ATP8A1: variants seen among roughly 807,000 people sequenced by gnomAD.
ATP8A1 encodes the protein phospholipid-transporting ATPase IA.
Under a neutral mutation model 177.7 loss-of-function variants are expected in ATP8A1, and 90 were observed. The observed-to-expected ratio is 0.51, with a 90% confidence interval of 0.43 to 0.60. ATP8A1 has a LOEUF of 0.60. Among genes scored for constraint, ATP8A1 ranks in the 20% least tolerant of loss-of-function variants. ATP8A1 has a pLI of 0.00. For synonymous variants in ATP8A1, 493 were observed against 485.9 expected (o/e 1.01, Z -0.19); for missense variants, 1,072 against 1,392.8 (o/e 0.77, Z 3.67).
chr4:42,444,554 G>A (rs1462070118), intron 32 of ATP8A1, 24 bp downstream of exon 32: 1 of 1,603,104 alleles, frequency 6.2e-7, no homozygotes, highest in South Asian at 1.1e-5. Context: ...GACATTTCTT[G>A]GTTGTGGTTA....
chr4:42,487,997 T>C (rs1218285385), intron 24 of ATP8A1, among the ~76,000 whole-genome samples: 3 of 152,192 alleles, frequency 2.0e-5, no homozygotes, highest in Non-Finnish European at 2.9e-5. Flanking sequence ...CTCACCCTCC[T>C]GTTTCCTGCT....
At chr4:42,480,450 T>C (rs1212360018) in intron 25 of ATP8A1, among the ~76,000 whole-genome samples, 1 of 152,206 alleles carries the variant, frequency 6.6e-6, no homozygotes, top group Non-Finnish European at 1.5e-5. Flanking sequence ...TCATTAACAG[T>C]TTGTAAAAGT....
intron 2 of ATP8A1, chr4:42,626,443 G>A (rs746393485): frequency 6.6e-6 from 1 of 152,426 alleles, no homozygotes; most frequent in Non-Finnish European, 1.5e-5. Context: ...TGGTATTGAA[G>A]GTGTTTATGT....
intron 21 of ATP8A1, among the ~76,000 whole-genome samples, chr4:42,522,608 G>A (rs1238181223): frequency 6.6e-6 from 1 of 152,068 alleles, no homozygotes; most frequent in Non-Finnish European, 1.5e-5. Context: ...TTTTTCCCCA[G>A]GACAAAATTT....
At chr4:42,425,297 CAA>C (rs1306357909) in intron 33 of ATP8A1, among the ~76,000 whole-genome samples, 1 of 152,046 alleles carries the variant, frequency 6.6e-6, no homozygotes, top group Non-Finnish European at 1.5e-5. Flanking sequence ...GTGGAAAAGG[CAA>C]AAGTGGTGGA....
At chr4:42,552,967 G>C (rs4328946) in intron 16 of ATP8A1, among the ~76,000 whole-genome samples, 1 of 152,168 alleles carries the variant, frequency 6.6e-6, no homozygotes, top group East Asian at 1.9e-4. Flanking sequence ...GCCAGGACAA[G>C]AGAGTGAGAC....
chr4:42,534,758 GC>G (rs1438585922), intron 20 of ATP8A1, among the ~76,000 whole-genome samples: 1 of 151,960 alleles, frequency 6.6e-6, no homozygotes, highest in African/African-American at 2.4e-5. Flanking sequence ...GAGCTATGAG[GC>G]AAAAACATCA....
rs1365607689 is a variant in ATP8A1, at chr4:42,574,679, C to T, written c.1235G>A (p.Gly412Asp). 1.2e-6 allele frequency: 2 copies of T among 1,605,814 alleles called. No individual in the cohort carries two copies. The highest frequency in any genetic ancestry group is 1.7e-5 in the Admixed American group (1 of 57,862). ...QVKYIFSDKT[G>D]TLTCNVMQFK... ...CTGCATTACATTGCATGTCAGAGTA[C>T]CAGTTTTGTCAGAAAATATGTATTT... The change falls in exon 14 of 37, where the codon GGT becomes GAT. Residue 412 changes from glycine to aspartate, a missense_variant. Gly to Asp is a moderately conservative substitution (Grantham distance 94). Coordinates refer to ENST00000381668, the MANE Select transcript of ATP8A1 (RefSeq NM_006095.2).
chr4:42,503,421 G>C (rs536676286), intron 24 of ATP8A1, 29 bp downstream of exon 24: 2 of 1,255,332 alleles, frequency 1.6e-6, no homozygotes, highest in East Asian at 4.7e-5. Context: ...ATTATTAAAG[G>C]AGTTTTAAAA....
intron 4 of ATP8A1, among the ~76,000 whole-genome samples, chr4:42,617,219 A>G (rs1238714692): frequency 4.6e-5 from 7 of 152,340 alleles, no homozygotes; most frequent in Middle Eastern, 3.4e-3. Flanking sequence ...AAGAGCTGGC[A>G]GCATACACTC....
At chr4:42,449,570 A>G (rs1260258470) in intron 30 of ATP8A1, among the ~76,000 whole-genome samples, 4 of 152,358 alleles carry the variant, frequency 2.6e-5, no homozygotes, top group Admixed American at 2.0e-4. Flanking sequence ...ATCAAAAAAC[A>G]AAAGAACCCT....
At chr4:42,656,681 A>C in intron 1 of ATP8A1, 144 bp downstream of exon 1, 1 of 913,618 alleles carries the variant, frequency 1.1e-6, no homozygotes, top group Non-Finnish European at 1.6e-6. Flanking sequence ...CGCGGGGGGA[A>C]GGGTCCCCTA....
At chr4:42,615,425 G>A (rs916463662) in intron 5 of ATP8A1, among the ~76,000 whole-genome samples, 8 of 151,888 alleles carry the variant, frequency 5.3e-5, no homozygotes, top group Non-Finnish European at 1.0e-4. Flanking sequence ...GAGCTAAGAT[G>A]TCTGTTTCTC....
chr4:42,551,342 G>C lies in ATP8A1; in HGVS notation c.1520-62C>G, dbSNP rs557116352. On this transcript the variant is annotated intron_variant, in intron 17 of 36. Coordinates refer to ENST00000381668, the MANE Select transcript of ATP8A1 (RefSeq NM_006095.2). ...TGAAAAAAAAATATTCTCAGCACAA[G>C]AGAAGTACATTAAGGTAATATAATT... 3.4e-6 allele frequency: 4 copies of C among 1,160,742 alleles called. No homozygotes were observed. The African/African-American group carries it at 4.5e-5, about 13-fold the overall frequency. The allele number at this position is 1,160,742 out of a possible 1,614,324, so 71.9% of individuals were successfully genotyped here.
chr4:42,556,778 A>C (rs1261523267), intron 15 of ATP8A1, among the ~76,000 whole-genome samples: 2 of 152,186 alleles, frequency 1.3e-5, no homozygotes, highest in Non-Finnish European at 2.9e-5. Flanking sequence ...ACAAGTGGGA[A>C]TGTCAAAAGA....
intron 20 of ATP8A1, among the ~76,000 whole-genome samples, chr4:42,535,870 G>T (rs751431545): frequency 6.6e-6 from 1 of 152,176 alleles, no homozygotes; most frequent in Non-Finnish European, 1.5e-5. Flanking sequence ...TGATCACTGG[G>T]TCAACAATGA....
At position 42,555,122 on chromosome 4, in the gene ATP8A1, TA is replaced by T. The variant is rs1560454148; in HGVS notation, c.1413+845del. 3.6e-3 allele frequency among the ~76,000 whole-genome samples: 335 copies of T among 93,654 alleles called. 4 individuals carry two copies. Among genetic ancestry groups the T allele is most frequent in the Middle Eastern group, 8.8e-3 (2 of 228 alleles). 61.4% of individuals were successfully genotyped at this position (93,654 alleles called of 152,430 possible). ...CTATCTATCTATCTATCTATCTATC[TA>T]TCTATCTATCTATCTAATCTATCTA... is the stretch of plus-strand genomic sequence containing the variant. On this transcript the variant is annotated intron_variant, in intron 16 of 36. Coordinates refer to ENST00000381668, the MANE Select transcript of ATP8A1 (RefSeq NM_006095.2).
chr4:42,651,535 T>C (rs1365119834), intron 1 of ATP8A1, among the ~76,000 whole-genome samples: 2 of 152,190 alleles, frequency 1.3e-5, no homozygotes, highest in Non-Finnish European at 2.9e-5. Context: ...TCAATAACCA[T>C]ACACCCTTTT....
At chr4:42,545,903 G>A (rs1400495747) in intron 19 of ATP8A1, among the ~76,000 whole-genome samples, 1 of 152,186 alleles carries the variant, frequency 6.6e-6, no homozygotes, top group Non-Finnish European at 1.5e-5. Context: ...GAACCTGGGA[G>A]GCGGAGGTTG....
Sources: allele counts gnomAD v4.1 joint callset (sites outside exome capture counted in the v4.1 genomes callset), GRCh38; gene constraint gnomAD v4.1.1; transcripts MANE v1.5; gene names NCBI Gene and HGNC (gene_info 2026-07-23, HGNC 2026-07-21).